MAF: variants seen among roughly 807,000 people sequenced by gnomAD.
The protein encoded by MAF is MAF bZIP transcription factor.
MAF carries 10 observed loss-of-function variants against 22.0 expected under a neutral mutation model. The observed-to-expected ratio is 0.45, with a 90% CI of 0.28 to 0.77. The LOEUF (loss-of-function observed/expected upper bound fraction) is 0.77. MAF is among the 30% of genes least tolerant of loss of function. The pLI is 0.12. For missense variants in MAF, 544 were observed against 548.4 expected (o/e 0.99, Z 0.08); for synonymous variants, 337 against 255.8 (o/e 1.32, Z -3.03).
chr16:79,227,278 G>C, the MAF span, among the ~76,000 whole-genome samples: 1 of 152,066 alleles, frequency 6.6e-6, no homozygotes, highest in South Asian at 2.1e-4. Flanking sequence ...CTGGGCCTGG[G>C]AGGTCAAGAC....
chr16:79,434,127 C>A, the MAF span, among the ~76,000 whole-genome samples: 1 of 152,132 alleles, frequency 6.6e-6, no homozygotes, highest in Non-Finnish European at 1.5e-5. Context: ...GTGAAACAGC[C>A]CATGCAACTG....
At chr16:79,566,140 T>C in the MAF span, among the ~76,000 whole-genome samples, 2 of 152,216 alleles carry the variant, frequency 1.3e-5, no homozygotes, top group African/African-American at 4.8e-5. Flanking sequence ...AACATCTCTG[T>C]AGATCATCAG....
the MAF span, among the ~76,000 whole-genome samples, chr16:79,327,935 A>G: frequency 6.6e-6 from 1 of 152,194 alleles, no homozygotes; most frequent in Admixed American, 6.5e-5. Flanking sequence ...TGCCAACCAG[A>G]CTTACGTGCA....
At chr16:79,523,465 C>G in the MAF span, among the ~76,000 whole-genome samples, 2 of 152,204 alleles carry the variant, frequency 1.3e-5, no homozygotes, top group Non-Finnish European at 2.9e-5. Flanking sequence ...AATCTATAAG[C>G]GTGGGTTCAT....
At chr16:79,537,563 G>A in the MAF span, among the ~76,000 whole-genome samples, 1 of 152,156 alleles carries the variant, frequency 6.6e-6, no homozygotes, top group Non-Finnish European at 1.5e-5. Flanking sequence ...GGCTATAGGA[G>A]GATGTTACTT....
the MAF span, among the ~76,000 whole-genome samples, chr16:79,350,944 G>A: frequency 6.6e-6 from 1 of 151,528 alleles, no homozygotes; most frequent in African/African-American, 2.4e-5. Context: ...ATGTGCTCAA[G>A]AGGAAACCCA....
chr16:79,535,577 T>TTCC, the MAF span, among the ~76,000 whole-genome samples: 1 of 101,016 alleles, frequency 9.9e-6, no homozygotes. Flanking sequence ...GCATCAAGCA[T>TTCC]TGCTTCTTCT....
At chr16:79,470,129 T>C in the MAF span, among the ~76,000 whole-genome samples, 4 of 152,248 alleles carry the variant, frequency 2.6e-5, no homozygotes, top group Non-Finnish European at 4.4e-5. Context: ...ACTGGCATTT[T>C]TCCGGGATGT....
chr16:79,583,404 C>T (rs1458321808), downstream of MAF, among the ~76,000 whole-genome samples: 2 of 152,144 alleles, frequency 1.3e-5, no homozygotes, highest in Non-Finnish European at 2.9e-5. Context: ...CCAGGAAGTG[C>T]TGTTTATACC....
the MAF span, among the ~76,000 whole-genome samples, chr16:79,541,147 A>C: frequency 7.4e-4 from 112 of 152,320 alleles, no homozygotes; most frequent in African/African-American, 2.4e-3. Flanking sequence ...TAATAGTGCT[A>C]TAATTATTGC....
the MAF span, among the ~76,000 whole-genome samples, chr16:79,539,679 T>C: frequency 6.6e-6 from 1 of 152,314 alleles, no homozygotes; most frequent in South Asian, 2.1e-4. Flanking sequence ...AAACATCCAA[T>C]AATAGTTTGA....
chr16:79,362,739 A>C, the MAF span, among the ~76,000 whole-genome samples: 1 of 152,220 alleles, frequency 6.6e-6, no homozygotes, highest in African/African-American at 2.4e-5. Context: ...AAGAAAGTGA[A>C]ACTCCAAGTT....
the MAF span, among the ~76,000 whole-genome samples, chr16:79,307,632 T>C: frequency 6.6e-6 from 1 of 152,166 alleles, no homozygotes; most frequent in Non-Finnish European, 1.5e-5. Flanking sequence ...GTCTGGCAAA[T>C]GTTTAAACAG....
At chr16:79,415,804 G>A in the MAF span, among the ~76,000 whole-genome samples, 2 of 151,766 alleles carry the variant, frequency 1.3e-5, no homozygotes, top group South Asian at 4.2e-4. Flanking sequence ...AAAAATCCCG[G>A]AGCCTCAGCT....
chr16:79,361,473 G>A, the MAF span, among the ~76,000 whole-genome samples: 1 of 152,140 alleles, frequency 6.6e-6, no homozygotes, highest in Non-Finnish European at 1.5e-5. Flanking sequence ...TAAGAACATA[G>A]CAGGTTAACC....
chr16:79,307,471 G>A, the MAF span, among the ~76,000 whole-genome samples: 3 of 152,194 alleles, frequency 2.0e-5, no homozygotes, highest in Admixed American at 6.5e-5. Flanking sequence ...ATTGCAGGAC[G>A]CTTGCAGTTC....
the MAF span, among the ~76,000 whole-genome samples, chr16:79,357,924 G>A: frequency 0.048 from 7,335 of 152,206 alleles, 340 homozygotes; most frequent in East Asian, 0.18. Flanking sequence ...AACCTGATCC[G>A]GGCTGGGACT....
At chr16:79,456,339 A>G in the MAF span, among the ~76,000 whole-genome samples, 2 of 152,202 alleles carry the variant, frequency 1.3e-5, no homozygotes, top group Non-Finnish European at 2.9e-5. Context: ...AAGGCCATTT[A>G]TCTCCAGGGA....
the MAF span, among the ~76,000 whole-genome samples, chr16:79,485,640 A>C: frequency 5.1e-4 from 77 of 152,342 alleles, no homozygotes; most frequent in Non-Finnish European, 1.0e-3. Flanking sequence ...TTTTTTAAAA[A>C]TATCTCTTGA....
Sources: allele counts gnomAD v4.1 joint callset (sites outside exome capture counted in the v4.1 genomes callset), GRCh38; gene constraint gnomAD v4.1.1; transcripts MANE v1.5; gene names NCBI Gene and HGNC (gene_info 2026-07-23, HGNC 2026-07-21).